The following PCDHGA5 variants were observed in gnomAD, a reference collection of about 807,000 sequenced individuals.
PCDHGA5 encodes the protein protocadherin gamma-A5.
In PCDHGA5, 36 loss-of-function variants were observed where a neutral mutation model predicts 56.7. The observed-to-expected ratio is 0.64, with a 90% confidence interval of 0.49 to 0.84. The LOEUF is 0.84. PCDHGA5 is among the 40% of genes least tolerant of loss of function. The pLI, the probability that PCDHGA5 is intolerant of heterozygous loss-of-function variation, is 0.00. For missense variants in PCDHGA5, 1,305 were observed against 1,201.5 expected (o/e 1.09, Z -1.27); for synonymous variants, 563 against 520.2 (o/e 1.08, Z -1.12).
Position 141,491,166 on chromosome 5 carries a change from G to A in PCDHGA5, c.2422-3641G>A. 1 of 1,614,150 alleles carries A rather than the reference G, an allele frequency of 6.2e-7. No individual in the cohort carries two copies. The highest frequency in any genetic ancestry group is 8.5e-7 in the Non-Finnish European group (1 of 1,179,964). ...TACTGGAGGATGACTCTGACACCCA[G>A]CAGGTGGTGGTCCTGGTGAGGGACA... On this transcript the variant is annotated intron_variant, in intron 1 of 3. Transcript: ENST00000518069. The surrounding 1 kb of genome is among the most constrained non-coding windows in gnomAD (Gnocchi z 6.9).
At chr5:141,393,158 ACT>A (rs768666493) in intron 1 of PCDHGA5, 1 of 1,613,126 alleles carries the variant, frequency 6.2e-7, no homozygotes, top group East Asian at 2.2e-5. Context: ...ATAAAGGAAA[ACT>A]CTTTGGGGTA....
At chr5:141,428,024 A>G (rs2097101613) in intron 1 of PCDHGA5, 1 of 1,606,106 alleles carries the variant, frequency 6.2e-7, no homozygotes, top group African/African-American at 1.3e-5. Context: ...CACGCGCCGC[A>G]GAGTCCGGCT....
intron 1 of PCDHGA5, chr5:141,378,704 G>A (rs1775100637): frequency 6.6e-6 from 1 of 152,054 alleles, no homozygotes. Flanking sequence ...AGACAATAAG[G>A]CTTTCATCAT....
chr5:141,501,017 C>T (rs1383853662), intron 2 of PCDHGA5, among the ~76,000 whole-genome samples: 5 of 151,866 alleles, frequency 3.3e-5, no homozygotes, highest in African/African-American at 7.3e-5. Flanking sequence ...TACAGGCACG[C>T]GCCACCACGC....
intron 1 of PCDHGA5, among the ~76,000 whole-genome samples, chr5:141,436,896 A>C (rs567359498): frequency 6.6e-6 from 1 of 152,368 alleles, no homozygotes; most frequent in East Asian, 1.9e-4. Context: ...AAAGATTTTT[A>C]TATGAGACAA....
In PCDHGA5 at chr5:141,388,846, A is replaced by G. The variant is rs758753526; in HGVS notation, c.2421+22095A>G. ...TATTCCATAGTTTTGGAAGCAAGGG[A>G]CGGTGGAGGAATGATTGCGCAATGC... On this transcript the variant is annotated intron_variant, in intron 1 of 3. Coordinates refer to ENST00000518069, the MANE Select transcript of PCDHGA5 (RefSeq NM_018918.3). The G allele has an allele frequency of 5.6e-6, 9 of 1,613,870 alleles. No homozygotes were observed. In the East Asian group the frequency reaches 2.0e-4, roughly 36 times the overall value.
chr5:141,491,022 C>T lies in PCDHGA5; in HGVS notation c.2422-3785C>T, dbSNP rs1431293281. 6.8e-6 allele frequency: 11 copies of T among 1,614,116 alleles called. No homozygotes were observed. Among genetic ancestry groups the T allele is most frequent in the East Asian group, 2.2e-5 (1 of 44,886 alleles). On this transcript the variant is annotated intron_variant, in intron 1 of 3. Coordinates refer to ENST00000518069, the MANE Select transcript of PCDHGA5 (RefSeq NM_018918.3). The surrounding 1 kb of genome is among the most constrained non-coding windows in gnomAD (Gnocchi z 6.9). ...GCTCCTTGGTCACCAAGGTGACAGCCGTGGATGCTGATGCAGGCCACAATG... is the reference window on the plus strand; with the variant it reads ...GCTCCTTGGTCACCAAGGTGACAGCTGTGGATGCTGATGCAGGCCACAATG...
chr5:141,418,773 A>G, intron 1 of PCDHGA5: 2 of 1,613,904 alleles, frequency 1.2e-6, no homozygotes, highest in Non-Finnish European at 1.7e-6. Flanking sequence ...CTAACTCAGC[A>G]GCCTTTGGAT....
At chr5:141,403,121 C>T (rs2094357954) in intron 1 of PCDHGA5, 1 of 1,614,046 alleles carries the variant, frequency 6.2e-7, no homozygotes, top group Non-Finnish European at 8.5e-7. Context: ...TCTGGAGCCC[C>T]GGGAGCTGGC....
intron 1 of PCDHGA5, among the ~76,000 whole-genome samples, chr5:141,429,416 T>A (rs527999196): frequency 6.6e-6 from 1 of 152,230 alleles, no homozygotes; most frequent in Admixed American, 6.5e-5. Flanking sequence ...GGTCTCATTA[T>A]GTTGCCCAGG....
At chr5:141,405,227 C>A (rs562247940) in intron 1 of PCDHGA5, 1 of 1,614,114 alleles carries the variant, frequency 6.2e-7, no homozygotes. Context: ...GGAGTTCTCC[C>A]TCACCGCTGA....
chr5:141,423,572 G>T (rs1239529114), intron 1 of PCDHGA5: 2 of 1,613,510 alleles, frequency 1.2e-6, no homozygotes, highest in African/African-American at 1.3e-5. Context: ...ACGCTCATCA[G>T]CCAGGAGAGC....
At chr5:141,445,294 T>G (rs1012635904) in intron 1 of PCDHGA5, among the ~76,000 whole-genome samples, 2 of 152,238 alleles carry the variant, frequency 1.3e-5, no homozygotes. Flanking sequence ...CAGGCTTCCA[T>G]TCTCTTCAGT....
At chr5:141,406,198 C>T (rs1363174713) in intron 1 of PCDHGA5, among the ~76,000 whole-genome samples, 1 of 151,806 alleles carries the variant, frequency 6.6e-6, no homozygotes, top group African/African-American at 2.4e-5. Context: ...TCAGCCTTCA[C>T]AGTAGCTAGG....
At chr5:141,472,411 C>T (rs747412647) in intron 1 of PCDHGA5, among the ~76,000 whole-genome samples, 9 of 151,918 alleles carry the variant, frequency 5.9e-5, no homozygotes, top group Admixed American at 3.3e-4. Flanking sequence ...CGTGGTGGCA[C>T]GCACCTGTAT....
intron 2 of PCDHGA5, among the ~76,000 whole-genome samples, chr5:141,501,956 A>G (rs527567012): frequency 6.6e-6 from 1 of 152,136 alleles, no homozygotes; most frequent in Non-Finnish European, 1.5e-5. Context: ...GTGACAGGTC[A>G]TCCTCCTAAC....
At chr5:141,387,214 A>G (rs189405322) in intron 1 of PCDHGA5, among the ~76,000 whole-genome samples, 1 of 152,346 alleles carries the variant, frequency 6.6e-6, no homozygotes, top group African/African-American at 2.4e-5. Context: ...TACTCTCCGG[A>G]AAAAGTTGAA....
chr5:141,383,987 G>T, intron 1 of PCDHGA5: 6 of 1,613,730 alleles, frequency 3.7e-6, no homozygotes, highest in Non-Finnish European at 5.1e-6. Flanking sequence ...ACACCTCTTG[G>T]GACAGTCATT....
intron 1 of PCDHGA5, chr5:141,415,642 A>T (rs1418546981): frequency 6.0e-6 from 5 of 831,836 alleles, no homozygotes; most frequent in Middle Eastern, 2.6e-4. Flanking sequence ...TACTTTTGTT[A>T]AAAAAAAAAA....
Sources: gnomAD v4.1 joint callset for allele counts (sites outside exome capture counted in the v4.1 genomes callset) on GRCh38, gnomAD v4.1.1 for gene constraint, Gnocchi (gnomAD v3.1) non-coding constraint, MANE v1.5 for transcripts, NCBI Gene and HGNC (gene_info 2026-07-23, HGNC 2026-07-21) for gene names.